The following GLRB variants were observed in gnomAD, a reference collection of about 807,000 sequenced individuals.
GLRB encodes the protein glycine receptor beta.
GLRB carries 33 observed loss-of-function variants against 54.2 expected under a neutral mutation model. The ratio of observed to expected loss-of-function variants is 0.61; its 90% CI spans 0.46 to 0.81. GLRB has a LOEUF of 0.81. Ranked by LOEUF, GLRB falls within the 40% of genes least tolerant of loss-of-function variation. GLRB has a pLI of 0.00. For synonymous variants in GLRB, 209 were observed against 208.2 expected (o/e 1.00, Z -0.03); for missense variants, 572 against 584.6 (o/e 0.98, Z 0.22).
intron 2 of GLRB, among the ~76,000 whole-genome samples, chr4:157,096,025 G>T (rs1420711166): frequency 6.6e-6 from 1 of 152,170 alleles, no homozygotes; most frequent in Non-Finnish European, 1.5e-5. Context: ...AATGTCTGGG[G>T]CTGATGGCTG....
intron 8 of GLRB, among the ~76,000 whole-genome samples, chr4:157,150,933 T>A (rs1737000320): frequency 6.6e-6 from 1 of 152,092 alleles, no homozygotes; most frequent in African/African-American, 2.4e-5. Flanking sequence ...AAAGTAATGC[T>A]ACTTAAGTAT....
At chr4:157,119,059 G>A (rs1236677033) in intron 2 of GLRB, among the ~76,000 whole-genome samples, 1 of 151,434 alleles carries the variant, frequency 6.6e-6, no homozygotes, top group East Asian at 1.9e-4. Flanking sequence ...TCTAAAAAAG[G>A]GCTCTTAAGC....
At chr4:157,140,133 G>A (rs1303236865) in intron 7 of GLRB, among the ~76,000 whole-genome samples, 1 of 151,810 alleles carries the variant, frequency 6.6e-6, no homozygotes, top group Non-Finnish European at 1.5e-5. Flanking sequence ...AGTACATTAG[G>A]AAAACAGAGA....
intron 4 of GLRB, among the ~76,000 whole-genome samples, chr4:157,135,415 T>C (rs1275136914): frequency 6.6e-6 from 1 of 152,040 alleles, no homozygotes; most frequent in Non-Finnish European, 1.5e-5. Context: ...TTCTCACATG[T>C]GGTGGGAGGG....
chr4:157,169,414 T>G lies in GLRB; in HGVS notation c.1198-1018T>G, dbSNP rs6828771. On this transcript the variant is annotated intron_variant, in intron 9 of 9. Transcript: ENST00000264428. ...TCCTCTAATCTAAGAGCATTTTGAT[T>G]ACTAGAGAGAGTTCAGCATAAAATA... 2.1e-3 allele frequency among the ~76,000 whole-genome samples: 314 copies of G among 152,232 alleles called. 1 individual carries two copies. The highest frequency in any genetic ancestry group is 7.2e-3 in the African/African-American group (299 of 41,560).
At chr4:157,106,143 C>T (rs781203931) in intron 2 of GLRB, among the ~76,000 whole-genome samples, 9 of 152,082 alleles carry the variant, frequency 5.9e-5, no homozygotes, top group Non-Finnish European at 8.8e-5. Context: ...TTTTGATGGA[C>T]GAGTTTGCCA....
intron 8 of GLRB, among the ~76,000 whole-genome samples, chr4:157,146,223 G>A (rs1031131196): frequency 2.0e-5 from 3 of 151,958 alleles, no homozygotes; most frequent in African/African-American, 7.2e-5. Flanking sequence ...CACCATGTCA[G>A]CCAGGCTGAT....
At chr4:157,083,351 A>G (rs1734293436) in intron 2 of GLRB, among the ~76,000 whole-genome samples, 1 of 151,968 alleles carries the variant, frequency 6.6e-6, no homozygotes, top group Non-Finnish European at 1.5e-5. Context: ...AAGCAGTACT[A>G]ATGTATAGAA....
intron 2 of GLRB, among the ~76,000 whole-genome samples, chr4:157,111,724 T>A (rs1401526351): frequency 6.6e-6 from 1 of 152,072 alleles, no homozygotes; most frequent in African/African-American, 2.4e-5. Context: ...CTGACATCAC[T>A]CTTAGGGAAA....
chr4:157,144,040 AACAATGAGT>A (rs1736715759), intron 8 of GLRB, 81 bp downstream of exon 8: 1 of 1,375,274 alleles, frequency 7.3e-7, no homozygotes, highest in African/African-American at 1.4e-5. Flanking sequence ...ACTACTTTGA[AACAATGAGT>A]TTTAGAATTG....
Position 157,139,743 on chromosome 4 carries a change from C to T in GLRB, c.751+794C>T, listed in dbSNP as rs562089463. Among the ~76,000 whole-genome samples the T allele has an allele frequency of 1.6e-3, 240 of 151,856 alleles. 1 individual carries two copies. Among genetic ancestry groups the T allele is most frequent in the African/African-American group, 5.5e-3 (229 of 41,482 alleles). ...TTCAACATGTAAATTATTGCAGAAT[C>T]CTAATTCTGCCTTTGGAAGTAAATC... On this transcript the variant is annotated intron_variant, in intron 7 of 9. Coordinates refer to ENST00000264428, the MANE Select transcript of GLRB (RefSeq NM_000824.5).
intron 8 of GLRB, among the ~76,000 whole-genome samples, chr4:157,147,664 G>T (rs1190835989): frequency 6.6e-6 from 1 of 152,124 alleles, no homozygotes; most frequent in Non-Finnish European, 1.5e-5. Context: ...ACTGAGAGAT[G>T]GAAAAAGTGC....
chr4:157,150,507 T>C (rs1323399035), intron 8 of GLRB, among the ~76,000 whole-genome samples: 1 of 152,086 alleles, frequency 6.6e-6, no homozygotes, highest in East Asian at 1.9e-4. Context: ...CAGTCCCCCT[T>C]TTCTGACACC....
At chr4:157,087,897 T>C (rs1221298384) in intron 2 of GLRB, among the ~76,000 whole-genome samples, 1 of 152,138 alleles carries the variant, frequency 6.6e-6, no homozygotes, top group East Asian at 1.9e-4. Flanking sequence ...AGACATATCA[T>C]TGCTCTGCTA....
chr4:157,149,412 C>T (rs920971377), intron 8 of GLRB, among the ~76,000 whole-genome samples: 6 of 152,000 alleles, frequency 3.9e-5, no homozygotes, highest in African/African-American at 7.2e-5. Flanking sequence ...ATTGAAGTAA[C>T]GTTTTGTAAT....
In GLRB at chr4:157,161,512, T is replaced by G. The variant is rs553690809; in HGVS notation, c.1197+8502T>G. On this transcript the variant is annotated intron_variant, in intron 9 of 9. Transcript: ENST00000264428. The stretch of plus-strand genomic sequence containing the variant: ...TTTAGTGCTTCCTTCAGGAGCTCTT[T>G]TAGGGCAGGCCTGGTGGTGACAAAA... Among the ~76,000 whole-genome samples the G allele has an allele frequency of 2.0e-3, 311 of 152,310 alleles. 1 individual carries two copies. The highest frequency in any genetic ancestry group is 7.0e-3 in the African/African-American group (292 of 41,576).
At chr4:157,155,672 T>C (rs898745013) in intron 9 of GLRB, among the ~76,000 whole-genome samples, 2 of 152,222 alleles carry the variant, frequency 1.3e-5, no homozygotes, top group African/African-American at 2.4e-5. Flanking sequence ...TTTTCCTCTG[T>C]AGGTAAAGTG....
chr4:157,121,781 A>T (rs1735830495), intron 3 of GLRB, among the ~76,000 whole-genome samples: 1 of 151,712 alleles, frequency 6.6e-6, no homozygotes. Context: ...GTGAACTTTC[A>T]AATTATTTTT....
chr4:157,118,687 T>C lies in GLRB; in HGVS notation c.123-1869T>C, dbSNP rs192724330. On this transcript the variant is annotated intron_variant, in intron 2 of 9. Transcript: ENST00000264428. The stretch of plus-strand genomic sequence containing the variant: ...TATTAAATTATGTCATACATTTTTT[T>C]CTGTTATATCTCACCTACAATGGTT... Among the ~76,000 whole-genome samples, 6 of 151,772 alleles carry C rather than the reference T, an allele frequency of 4.0e-5. No homozygotes were observed. The East Asian group carries it at 1.2e-3, about 30-fold the overall frequency.
Sources: allele counts gnomAD v4.1 joint callset (sites outside exome capture counted in the v4.1 genomes callset), GRCh38; gene constraint gnomAD v4.1.1; transcripts MANE v1.5; gene names NCBI Gene and HGNC (gene_info 2026-07-23, HGNC 2026-07-21).